Variants in MACROD2 observed in about 807,000 individuals in gnomAD.
The protein encoded by MACROD2 is ADP-ribose glycohydrolase MACROD2.
MACROD2 carries 36 observed loss-of-function variants against 70.4 expected under a neutral mutation model. That is an observed-to-expected ratio of 0.51 (90% CI 0.39 to 0.68). The LOEUF (loss-of-function observed/expected upper bound fraction) is 0.68. Ranked by LOEUF, MACROD2 falls within the 30% of genes least tolerant of loss-of-function variation. The pLI is 0.00. For synonymous variants in MACROD2, 172 were observed against 178.8 expected (o/e 0.96, Z 0.30); for missense variants, 496 against 538.4 (o/e 0.92, Z 0.78).
rs538724272 is a variant in MACROD2, at chr20:15,970,900, T to G, written c.985+3270T>G. Among the ~76,000 whole-genome samples the G allele has an allele frequency of 2.2e-4, 34 of 152,228 alleles. 1 individual carries two copies. Among genetic ancestry groups the G allele is most frequent in the African/African-American group, 7.9e-4 (33 of 41,550 alleles). On this transcript the variant is annotated intron_variant, in intron 13 of 17. Transcript: ENST00000684519. Reference sequence around the variant, plus strand: ...CTTAGTAGCAGAGCAAAACAGGCAATAGACTAAATGCTCCTCATGTCCTCC... The same window carrying G: ...CTTAGTAGCAGAGCAAAACAGGCAAGAGACTAAATGCTCCTCATGTCCTCC...
intron 4 of MACROD2, among the ~76,000 whole-genome samples, chr20:14,601,032 C>T (rs1982462478): frequency 1.3e-5 from 2 of 152,006 alleles, no homozygotes; most frequent in African/African-American, 4.8e-5. Context: ...GTCTTACCAC[C>T]CTGAATCCCG....
intron 8 of MACROD2, among the ~76,000 whole-genome samples, chr20:15,546,858 C>T (rs1568883355): frequency 6.6e-6 from 1 of 152,200 alleles, no homozygotes; most frequent in East Asian, 1.9e-4. Flanking sequence ...TTTTCATACT[C>T]ACTTGGGTGC....
chr20:15,813,981 T>C (rs6135550), intron 8 of MACROD2, among the ~76,000 whole-genome samples: 67,481 of 152,006 alleles, frequency 0.44, 15,412 homozygotes, highest in African/African-American at 0.56. Context: ...AGTAATATTG[T>C]CAAGTAAATA....
intron 3 of MACROD2, among the ~76,000 whole-genome samples, chr20:14,444,613 T>A (rs1420183047): frequency 6.6e-6 from 1 of 152,068 alleles, no homozygotes; most frequent in African/African-American, 2.4e-5. Flanking sequence ...CAAATTTGTA[T>A]CTTTAGTGTG....
At chr20:14,553,873 G>T (rs1269094406) in intron 4 of MACROD2, among the ~76,000 whole-genome samples, 1 of 152,068 alleles carries the variant, frequency 6.6e-6, no homozygotes, top group Non-Finnish European at 1.5e-5. Context: ...TCCTTCCATG[G>T]TCTAAGACAT....
At chr20:15,050,525 A>G (rs1165004930) in intron 5 of MACROD2, among the ~76,000 whole-genome samples, 1 of 90,774 alleles carries the variant, frequency 1.1e-5, no homozygotes, top group African/African-American at 4.3e-5. Flanking sequence ...TACACTTTCT[A>G]TTTAGGTCTT....
intron 2 of MACROD2, among the ~76,000 whole-genome samples, chr20:14,050,989 G>A (rs1166561596): frequency 1.3e-5 from 2 of 152,098 alleles, no homozygotes; most frequent in Admixed American, 6.5e-5. Context: ...ATGCCGTGGC[G>A]TATTAGATAA....
intron 3 of MACROD2, among the ~76,000 whole-genome samples, chr20:14,147,283 A>G (rs910372501): frequency 8.5e-5 from 13 of 152,218 alleles, no homozygotes; most frequent in African/African-American, 1.2e-4. Context: ...CTTTGATTCT[A>G]TTTGAATTCA....
chr20:15,760,846 A>C (rs2051426226), intron 8 of MACROD2, among the ~76,000 whole-genome samples: 1 of 152,142 alleles, frequency 6.6e-6, no homozygotes, highest in Non-Finnish European at 1.5e-5. Flanking sequence ...AGGGATTTTG[A>C]AGTTAAGATG....
At chr20:14,573,670 C>T (rs1980373298) in intron 4 of MACROD2, among the ~76,000 whole-genome samples, 1 of 151,926 alleles carries the variant, frequency 6.6e-6, no homozygotes, top group South Asian at 2.1e-4. Context: ...AGAGAGAATA[C>T]TTAGTGCTAT....
At chr20:15,602,446 C>T (rs144313082) in intron 8 of MACROD2, among the ~76,000 whole-genome samples, 33 of 150,630 alleles carry the variant, frequency 2.2e-4, no homozygotes, top group African/African-American at 8.1e-4. Context: ...ATCTCAAGAG[C>T]GCTTCCTCAT....
intron 5 of MACROD2, among the ~76,000 whole-genome samples, chr20:14,927,358 C>T (rs963460146): frequency 6.6e-6 from 1 of 152,134 alleles, no homozygotes; most frequent in Non-Finnish European, 1.5e-5. Context: ...GATGACACCT[C>T]AAAAATGCCC....
intron 6 of MACROD2, among the ~76,000 whole-genome samples, chr20:15,396,079 A>G (rs1226393823): frequency 6.6e-6 from 1 of 152,226 alleles, no homozygotes; most frequent in Non-Finnish European, 1.5e-5. Context: ...TTAAAAGAGG[A>G]TATTTTAAAT....
intron 10 of MACROD2, among the ~76,000 whole-genome samples, chr20:15,898,604 T>C (rs2065012676): frequency 7.0e-6 from 1 of 141,952 alleles, no homozygotes; most frequent in African/African-American, 2.6e-5. Flanking sequence ...ACCTTCTGAA[T>C]CAGAAACCTG....
chr20:14,370,464 G>C (rs1234107230), intron 3 of MACROD2, among the ~76,000 whole-genome samples: 1 of 151,752 alleles, frequency 6.6e-6, no homozygotes, highest in Non-Finnish European at 1.5e-5. Flanking sequence ...TTTTTGTTTT[G>C]TTTTAAGAGA....
chr20:14,138,244 A>G (rs184613265), intron 3 of MACROD2, among the ~76,000 whole-genome samples: 16 of 152,286 alleles, frequency 1.1e-4, no homozygotes, highest in African/African-American at 2.4e-4. Context: ...TGATCCAGCA[A>G]TCCCATTTCT....
chr20:15,558,302 G>T (rs1430563834), intron 8 of MACROD2, among the ~76,000 whole-genome samples: 1 of 152,170 alleles, frequency 6.6e-6, no homozygotes, highest in Non-Finnish European at 1.5e-5. Flanking sequence ...GGACCACTCT[G>T]CCCCAGCTGC....
chr20:15,436,954 C>T (rs951147731), intron 7 of MACROD2, among the ~76,000 whole-genome samples: 24 of 152,250 alleles, frequency 1.6e-4, no homozygotes, highest in African/African-American at 5.5e-4. Flanking sequence ...GCGTGCTTCC[C>T]ATCTGCCCAG....
rs1234797549 is a variant in MACROD2 at position 15,770,084 on chromosome 20, A to ATT, written c.646-92658_646-92657dup. On this transcript the variant is annotated intron_variant, in intron 8 of 17. Coordinates refer to ENST00000684519, the MANE Select transcript of MACROD2 (RefSeq NM_001351661.2). Reference sequence around the variant, plus strand: ...AAATTTATTTTTTTAATTTATTTTAATTTTCTTTTTTTTTTTTTTTTTTTT... The same window carrying ATT: ...AAATTTATTTTTTTAATTTATTTTAATTTTTTCTTTTTTTTTTTTTTTTTTTT... 4.6e-3 allele frequency among the ~76,000 whole-genome samples: 583 copies of ATT among 125,670 alleles called. 23 individuals are homozygous for ATT. The highest frequency in any genetic ancestry group is 0.018 in the African/African-American group (545 of 30,654). The allele number at this position is 125,670 out of a possible 152,430, so 82.4% of individuals were successfully genotyped here. A position where few individuals can be genotyped will look rare whatever the true frequency, so the allele number is the denominator to read the frequency against.
Sources: allele counts gnomAD v4.1 joint callset (sites outside exome capture counted in the v4.1 genomes callset), GRCh38; gene constraint gnomAD v4.1.1; transcripts MANE v1.5; gene names NCBI Gene and HGNC (gene_info 2026-07-23, HGNC 2026-07-21).